The following RUBCNL variants were observed in gnomAD, a reference collection of about 807,000 sequenced individuals.
RUBCNL encodes protein associated with UVRAG as autophagy enhancer.
A neutral mutation model predicts 69.5 loss-of-function variants in RUBCNL; 62 were observed. That is an observed-to-expected ratio of 0.89 (90% CI 0.73 to 1.10). RUBCNL has a LOEUF of 1.10. Ranked by LOEUF, RUBCNL falls within the 50% of genes least tolerant of loss-of-function variation. The pLI, the probability that RUBCNL is intolerant of heterozygous loss-of-function variation, is 0.00. For missense variants in RUBCNL, 768 were observed against 798.1 expected, an observed-to-expected ratio of 0.96 and a Z score of 0.45; for synonymous variants, 291 against 303.6, an observed-to-expected ratio of 0.96 and a Z score of 0.43.
At chr13:46,365,193 T>C (rs1408920973) in intron 5 of RUBCNL, among the ~76,000 whole-genome samples, 1 of 150,806 alleles carries the variant, frequency 6.6e-6, no homozygotes, top group Non-Finnish European at 1.5e-5. Flanking sequence ...ATCCCAGCTA[T>C]TTGGGAGGCT....
chr13:46,386,580 C>T (rs1419496507), intron 1 of RUBCNL, among the ~76,000 whole-genome samples: 4 of 146,490 alleles, frequency 2.7e-5, no homozygotes, highest in Non-Finnish European at 6.0e-5. Context: ...CTGACCGTGT[C>T]CGGCGTGGCG....
Position 46,359,616 on chromosome 13 carries a change from A to G in RUBCNL, c.1135T>C (p.Cys379Arg), listed in dbSNP as rs1320246168. 2 of 1,590,742 alleles carry G rather than the reference A, an allele frequency of 1.3e-6. No homozygotes were observed. The highest frequency in any genetic ancestry group is 1.7e-6 in the Non-Finnish European group (2 of 1,167,556). The change falls in exon 9 of 15, where the codon TGT (cysteine) becomes CGT (arginine). Residue 379 changes from cysteine to arginine, a missense_variant. Cys to Arg is a radical substitution (Grantham distance 180, BLOSUM62 -3). Transcript: ENST00000429979. ...CTGGATTCAAAGTCTTTTCGGACACACTCTTCATTTACGACCTGCATAAGA... is the reference window on the plus strand; with the variant it reads ...CTGGATTCAAAGTCTTTTCGGACACGCTCTTCATTTACGACCTGCATAAGA... ...AAGSIVVNEE[C>R]VRKDFESSMN...
chr13:46,347,460 C>T (rs1403219396), intron 12 of RUBCNL, among the ~76,000 whole-genome samples: 1 of 152,046 alleles, frequency 6.6e-6, no homozygotes, highest in Admixed American at 6.6e-5. Context: ...CTACCTATAT[C>T]CATCGGTATG....
Position 46,368,768 on chromosome 13 carries a change from G to A in RUBCNL, c.583C>T (p.Pro195Ser). ...RRTISSNSFS[P>S]EVFVLPVDVE... ...TCAACAGGCAGCACAAATACCTCTG[G>A]TGAGAAGGAATTCGAAGAAATGGTT... The change falls in exon 4 of 15, where the codon CCA (proline) becomes TCA (serine). Residue 195 changes from proline to serine, a missense_variant. By Grantham distance (74) the Pro-to-Ser change is moderately conservative (BLOSUM62 -1). Coordinates refer to ENST00000429979, the MANE Select transcript of RUBCNL (RefSeq NM_025113.5). 6.2e-7 allele frequency: 1 copy of A among 1,613,754 alleles called. No individual in the cohort carries two copies. The highest frequency in any genetic ancestry group is 8.5e-7 in the Non-Finnish European group (1 of 1,179,780).
At chr13:46,377,143 C>T (rs1383700600) in intron 2 of RUBCNL, among the ~76,000 whole-genome samples, 1 of 152,136 alleles carries the variant, frequency 6.6e-6, no homozygotes, top group African/African-American at 2.4e-5. Flanking sequence ...TATGGTTTAT[C>T]CTCAATTTTC....
rs1413832598 is a variant in RUBCNL at position 46,335,296 on chromosome 13, G to T, written c.*8089C>A. On this transcript the variant is annotated 3_prime_UTR_variant, in exon 15 of 15. Transcript: ENST00000429979. ...TTTTTTTTTTTTTTTAAGAGACAGG[G>T]TCTCGCTATGTTGCACAGGCTGGTC... is the stretch of plus-strand genomic sequence containing the variant. 7.0e-6 allele frequency among the ~76,000 whole-genome samples: 1 copy of T among 142,406 alleles called. No homozygotes were observed. Among genetic ancestry groups the T allele is most frequent in the Admixed American group, 7.1e-5 (1 of 14,146 alleles). 93.4% of individuals were successfully genotyped at this position (142,406 alleles called of 152,430 possible).
intron 4 of RUBCNL, 37 bp from the exon 5 acceptor site, chr13:46,368,286 T>A: frequency 6.4e-7 from 1 of 1,572,034 alleles, no homozygotes; most frequent in East Asian, 2.3e-5. Context: ...ACAAGCATAA[T>A]CAACTTTTTC....
chr13:46,370,350 T>C (rs1240721765), intron 3 of RUBCNL, among the ~76,000 whole-genome samples: 1 of 152,344 alleles, frequency 6.6e-6, no homozygotes, highest in East Asian at 1.9e-4. Flanking sequence ...CGATAGTCTT[T>C]CCCTAAAGTA....
chr13:46,345,025 A>G (rs748888024), intron 13 of RUBCNL, among the ~76,000 whole-genome samples, 194 bp from the exon 14 acceptor site: 3 of 152,266 alleles, frequency 2.0e-5, no homozygotes, highest in Non-Finnish European at 4.4e-5. Flanking sequence ...AACCAATTCC[A>G]TATCAAAGCA....
At chr13:46,372,690 G>T in intron 2 of RUBCNL, 93 bp from the exon 3 acceptor site, 1 of 1,221,996 alleles carries the variant, frequency 8.2e-7, no homozygotes, top group Non-Finnish European at 1.1e-6. Flanking sequence ...AAAAAATTTA[G>T]AAGTCTGTAC....
At chr13:46,355,966 T>C (rs2048475102) in intron 10 of RUBCNL, among the ~76,000 whole-genome samples, 2 of 152,128 alleles carry the variant, frequency 1.3e-5, no homozygotes, top group South Asian at 2.1e-4. Flanking sequence ...ATGGGTAATA[T>C]AAAGCGTTCA....
At chr13:46,367,217 C>G (rs2048776955) in intron 5 of RUBCNL, among the ~76,000 whole-genome samples, 1 of 152,218 alleles carries the variant, frequency 6.6e-6, no homozygotes, top group Admixed American at 6.5e-5. Context: ...GGGTCCCCAC[C>G]TCTGTTCTAC....
In RUBCNL at chr13:46,372,366, T is replaced by C; in HGVS notation, c.110A>G (p.His37Arg). 6.2e-6 allele frequency: 10 copies of C among 1,614,028 alleles called. No homozygotes were observed. The highest frequency in any genetic ancestry group is 8.5e-6 in the Non-Finnish European group (10 of 1,179,888). ...CCTGATGTCTAATTGGCAAGGAGGA[T>C]GGTCAGTGTTCAGGAGTCTGGGCGA... ...DGSPRLLNTDHPPCQLDIRLM... is the reference protein window; with the variant it reads ...DGSPRLLNTDRPPCQLDIRLM... Residue 37 changes from histidine (H) to arginine (R), a missense_variant, in exon 3 of 15, where the codon CAT becomes CGT. Transcript: ENST00000429979.
chr13:46,369,303 C>T (rs547382208), intron 3 of RUBCNL, among the ~76,000 whole-genome samples: 1 of 152,206 alleles, frequency 6.6e-6, no homozygotes, highest in Non-Finnish European at 1.5e-5. Context: ...CGGCTTCAAC[C>T]TCCTGGGCTC....
intron 5 of RUBCNL, among the ~76,000 whole-genome samples, chr13:46,365,430 A>T (rs2048732200): frequency 6.6e-6 from 1 of 152,246 alleles, no homozygotes; most frequent in African/African-American, 2.4e-5. Flanking sequence ...AAGGTTCTGC[A>T]CTACACAACT....
intron 5 of RUBCNL, among the ~76,000 whole-genome samples, chr13:46,367,415 G>T (rs2048781667): frequency 6.6e-6 from 1 of 152,224 alleles, no homozygotes; most frequent in Non-Finnish European, 1.5e-5. Flanking sequence ...CCATGTGACA[G>T]AAAACAAAGG....
intron 12 of RUBCNL, among the ~76,000 whole-genome samples, chr13:46,346,891 C>T (rs957526955): frequency 6.6e-6 from 1 of 152,136 alleles, no homozygotes; most frequent in Admixed American, 6.5e-5. Context: ...TGAATTCATG[C>T]CTAAGTCTTT....
In RUBCNL at chr13:46,347,181, G is replaced by A. The variant is rs188452552; in HGVS notation, c.1632-1581C>T. Among the ~76,000 whole-genome samples the A allele has an allele frequency of 1.2e-3, 189 of 151,838 alleles. 1 individual carries two copies. The highest frequency in any genetic ancestry group is 1.7e-3 in the Non-Finnish European group (116 of 67,884). On this transcript the variant is annotated intron_variant, in intron 12 of 14. Coordinates refer to ENST00000429979, the MANE Select transcript of RUBCNL (RefSeq NM_025113.5). ...AGCACTTTGGGAGGCTGAGGCAGGC[G>A]GATCACCTGAGGTCGGGAGTTTAAG...
chr13:46,351,449 A>G (rs1466262746), intron 10 of RUBCNL, among the ~76,000 whole-genome samples: 1 of 152,250 alleles, frequency 6.6e-6, no homozygotes, highest in Non-Finnish European at 1.5e-5. Flanking sequence ...ATAGACTTCA[A>G]TTCTCACATG....
Sources: gnomAD v4.1 joint callset for allele counts (sites outside exome capture counted in the v4.1 genomes callset) on GRCh38, gnomAD v4.1.1 for gene constraint, MANE v1.5 for transcripts, NCBI Gene and HGNC (gene_info 2026-07-23, HGNC 2026-07-21) for gene names.